Variants in GREB1L observed in about 807,000 individuals in gnomAD.
GREB1L encodes GREB1-like protein.
Under a neutral mutation model 200.8 loss-of-function variants are expected in GREB1L, and 17 were observed. That is an observed-to-expected ratio of 0.08 (90% CI 0.06 to 0.13). GREB1L has a LOEUF of 0.13. Ranked by LOEUF, GREB1L falls within the 10% of genes least tolerant of loss-of-function variation. GREB1L has a pLI of 1.00. For synonymous variants in GREB1L, 789 were observed against 893.0 expected (o/e 0.88, Z 2.08); for missense variants, 1,657 against 2,367.7 (o/e 0.70, Z 6.23).
At chr18:21,469,136 C>T (rs2145644831) in intron 15 of GREB1L, among the ~76,000 whole-genome samples, 1 of 152,342 alleles carries the variant, frequency 6.6e-6, no homozygotes, top group East Asian at 1.9e-4. Flanking sequence ...CTAATTTTTG[C>T]ATCCATTAGT....
At chr18:21,244,542 G>C (rs1422731477) in intron 1 of GREB1L, among the ~76,000 whole-genome samples, 1 of 152,138 alleles carries the variant, frequency 6.6e-6, no homozygotes, top group Non-Finnish European at 1.5e-5. Flanking sequence ...TGATTTTTAA[G>C]GGTCCTTCGA....
At chr18:21,378,500 A>T (rs1261734270) in intron 2 of GREB1L, among the ~76,000 whole-genome samples, 1 of 152,122 alleles carries the variant, frequency 6.6e-6, no homozygotes, top group African/African-American at 2.4e-5. Context: ...CAGCCTTCAG[A>T]ATAGCTGGGA....
rs146486404 is a variant in GREB1L, at chr18:21,362,234, A to G, written c.-119-3793A>G. 7.7e-3 allele frequency among the ~76,000 whole-genome samples: 1,167 copies of G among 152,260 alleles called. 14 individuals carry two copies. The highest frequency in any genetic ancestry group is 0.026 in the African/African-American group (1,095 of 41,546). On this transcript the variant is annotated intron_variant, in intron 1 of 32. Coordinates refer to ENST00000424526, the MANE Select transcript of GREB1L (RefSeq NM_001142966.3). Reference sequence around the variant, plus strand: ...TTGAGGAAATAAGAGAGACATAAAAATGTTTAAGTAACTGATATGTTGATT... The same window carrying G: ...TTGAGGAAATAAGAGAGACATAAAAGTGTTTAAGTAACTGATATGTTGATT...
At chr18:21,374,761 G>A (rs2040004107) in intron 2 of GREB1L, among the ~76,000 whole-genome samples, 1 of 151,206 alleles carries the variant, frequency 6.6e-6, no homozygotes, top group Admixed American at 6.6e-5. Flanking sequence ...CCAGATAGTT[G>A]GTATTAAAAG....
At chr18:21,324,439 T>C (rs2038993015) in intron 1 of GREB1L, among the ~76,000 whole-genome samples, 3 of 152,196 alleles carry the variant, frequency 2.0e-5, no homozygotes. Flanking sequence ...AACAGATAAA[T>C]GGAAATTCTA....
intron 27 of GREB1L, among the ~76,000 whole-genome samples, chr18:21,510,810 G>A (rs8095236): frequency 0.29 from 44,027 of 151,778 alleles, 8,377 homozygotes; most frequent in African/African-American, 0.5. Flanking sequence ...CACCAACAGT[G>A]CACAGGGATT....
chr18:21,275,922 A>G (rs188935810), intron 1 of GREB1L, among the ~76,000 whole-genome samples: 1 of 152,302 alleles, frequency 6.6e-6, no homozygotes, highest in Admixed American at 6.5e-5. Flanking sequence ...AGCGATGTTT[A>G]GTCTCAGTTT....
intron 1 of GREB1L, among the ~76,000 whole-genome samples, chr18:21,361,155 CAAAACAT>C (rs1489490641): frequency 2.0e-5 from 3 of 152,028 alleles, no homozygotes; most frequent in East Asian, 3.9e-4. Flanking sequence ...TAATGTGGTC[CAAAACAT>C]AAAGGATATC....
At chr18:21,339,318 G>T (rs1415451035) in intron 1 of GREB1L, among the ~76,000 whole-genome samples, 2 of 152,134 alleles carry the variant, frequency 1.3e-5, no homozygotes, top group Non-Finnish European at 2.9e-5. Flanking sequence ...TCTATTCTAA[G>T]GCAGTTTTAG....
At chr18:21,249,355 A>G (rs1018798874) in intron 1 of GREB1L, among the ~76,000 whole-genome samples, 10 of 152,254 alleles carry the variant, frequency 6.6e-5, no homozygotes, top group Non-Finnish European at 1.3e-4. Context: ...TAGATATTCA[A>G]AATCTCAGGC....
intron 4 of GREB1L, among the ~76,000 whole-genome samples, chr18:21,393,590 G>A (rs1248618516): frequency 2.0e-5 from 3 of 152,098 alleles, no homozygotes; most frequent in Admixed American, 1.3e-4. Flanking sequence ...CACCATGTCC[G>A]GCTAATTTTT....
Position 21,369,304 on chromosome 18 carries a change from C to T in GREB1L, c.-10+3168C>T, listed in dbSNP as rs539114194. On this transcript the variant is annotated intron_variant, in intron 2 of 32. Transcript: ENST00000424526. ...TTCTGGTTATTTAATGTTTTCTGTT[C>T]TGGATTATTGACTGTTCTCCCTGTT... Among the ~76,000 whole-genome samples, 3 of 152,250 alleles carry T rather than the reference C, an allele frequency of 2.0e-5. No individual in the cohort carries two copies. The East Asian group carries it at 5.8e-4, about 29-fold the overall frequency.
intron 7 of GREB1L, among the ~76,000 whole-genome samples, chr18:21,407,306 A>T (rs1294331572): frequency 6.6e-6 from 1 of 152,212 alleles, no homozygotes; most frequent in African/African-American, 2.4e-5. Flanking sequence ...CACATAGATG[A>T]TGTTTAATCG....
intron 1 of GREB1L, among the ~76,000 whole-genome samples, chr18:21,338,704 C>T (rs2039223977): frequency 6.6e-6 from 1 of 152,180 alleles, no homozygotes; most frequent in African/African-American, 2.4e-5. Flanking sequence ...TCACTTTTTA[C>T]CCCAAAATAA....
intron 15 of GREB1L, 70 bp downstream of exon 15, chr18:21,454,633 C>T: frequency 8.4e-7 from 1 of 1,190,906 alleles, no homozygotes; most frequent in East Asian, 2.5e-5. Flanking sequence ...CTTTCTTTTG[C>T]TTAATCCAAA....
At chr18:21,467,469 A>G (rs748209433) in intron 15 of GREB1L, among the ~76,000 whole-genome samples, 2 of 152,196 alleles carry the variant, frequency 1.3e-5, no homozygotes, top group Non-Finnish European at 2.9e-5. Flanking sequence ...AGATACATGA[A>G]TGGCCAATGA....
intron 7 of GREB1L, among the ~76,000 whole-genome samples, chr18:21,422,348 G>A (rs2032226241): frequency 6.6e-6 from 1 of 152,146 alleles, no homozygotes; most frequent in Admixed American, 6.5e-5. Context: ...ATGTGCGTGT[G>A]TATATACATA....
rs1302800579 is a variant in GREB1L at position 21,525,762 on chromosome 18, G to GAATT, written c.*2943_*2946dup. Among the ~76,000 whole-genome samples the GAATT allele has an allele frequency of 6.6e-6, 1 of 152,278 alleles. No individual in the cohort carries two copies. Among genetic ancestry groups the GAATT allele is most frequent in the East Asian group, 1.9e-4 (1 of 5,190 alleles). On this transcript the variant is annotated 3_prime_UTR_variant, in exon 33 of 33. Coordinates refer to ENST00000424526, the MANE Select transcript of GREB1L (RefSeq NM_001142966.3). ...TATGAAGATGCTGTTATTGTAGTAT[G>GAATT]AATTATATCTTCTTAAAAAATTTTA...
Position 21,444,403 on chromosome 18 carries a change from C to T in GREB1L, c.1387C>T (p.Arg463Trp), listed in dbSNP as rs760577439. 16 of 1,550,476 alleles carry T rather than the reference C, an allele frequency of 1.0e-5. No individual in the cohort carries two copies. The highest frequency in any genetic ancestry group is 1.7e-4 in the Middle Eastern group (1 of 6,014). ...MILLTIQYLV[R>W]LGPDQVPLRE... ...TCTTCTGACGATACAGTATCTTGTG[C>T]GGCTGGGTAAGTCATTTTCCATAAT... The change falls in exon 11 of 33, where the codon CGG becomes TGG. Residue 463 changes from arginine (R) to tryptophan (W), a missense_variant. By Grantham distance (101) the Arg-to-Trp change is moderately radical (BLOSUM62 -3). Coordinates refer to ENST00000424526, the MANE Select transcript of GREB1L (RefSeq NM_001142966.3).
Sources: gnomAD v4.1 joint callset for allele counts (sites outside exome capture counted in the v4.1 genomes callset) on GRCh38, gnomAD v4.1.1 for gene constraint, MANE v1.5 for transcripts, NCBI Gene and HGNC (gene_info 2026-07-23, HGNC 2026-07-21) for gene names.